RAD52: variants seen among roughly 807,000 people sequenced by gnomAD.
The protein encoded by RAD52 is RAD52 DNA repair protein, also known as DNA repair protein RAD52 homolog.
In RAD52, 47 loss-of-function variants were observed where a neutral mutation model predicts 55.5. The observed-to-expected ratio is 0.85, with a 90% confidence interval of 0.67 to 1.08. The LOEUF is 1.08. Among genes scored for constraint, RAD52 ranks in the 50% least tolerant of loss-of-function variants. The pLI is 0.00. For synonymous variants in RAD52, 184 were observed against 198.9 expected, an observed-to-expected ratio of 0.92 and a Z score of 0.63; for missense variants, 468 against 522.8, an observed-to-expected ratio of 0.90 and a Z score of 1.02.
intron 1 of RAD52, among the ~76,000 whole-genome samples, chr12:988,939 T>C (rs950168649): frequency 2.6e-5 from 4 of 151,654 alleles, no homozygotes; most frequent in African/African-American, 9.7e-5. Context: ...ATCCAAACCA[T>C]AGCAGGAAGT....
At chr12:916,263 A>T in intron 9 of RAD52, 81 bp downstream of exon 9, 3 of 1,567,518 alleles carry the variant, frequency 1.9e-6, no homozygotes, top group Non-Finnish European at 2.6e-6. Flanking sequence ...GCCCAGGGTT[A>T]CCGCAGAGAA....
chr12:971,837 C>A (rs61596374), intron 1 of RAD52, among the ~76,000 whole-genome samples: 2 of 151,902 alleles, frequency 1.3e-5, no homozygotes, highest in East Asian at 3.9e-4. Flanking sequence ...AGGCTCCGCC[C>A]CCCGGGGTTC....
At chr12:933,639 T>C (rs1213403086) in intron 1 of RAD52, among the ~76,000 whole-genome samples, 1 of 152,110 alleles carries the variant, frequency 6.6e-6, no homozygotes, top group African/African-American at 2.4e-5. Flanking sequence ...GGCGGTGCTA[T>C]TAAAGGTGAT....
At chr12:923,975 C>T (rs1010495264) in intron 7 of RAD52, among the ~76,000 whole-genome samples, 3 of 151,184 alleles carry the variant, frequency 2.0e-5, no homozygotes, top group African/African-American at 7.3e-5. Flanking sequence ...AGGAGAATGG[C>T]ATGAACCCGG....
chr12:957,922 G>A (rs1378742183), intron 1 of RAD52, among the ~76,000 whole-genome samples: 5 of 152,274 alleles, frequency 3.3e-5, no homozygotes, highest in African/African-American at 1.2e-4. Flanking sequence ...ATCATCATTT[G>A]TTTTGCTGAA....
chr12:934,787 G>A (rs1328409935), intron 1 of RAD52, among the ~76,000 whole-genome samples: 16 of 152,056 alleles, frequency 1.1e-4, no homozygotes, highest in Non-Finnish European at 2.4e-4. Context: ...CTGGGGGGTA[G>A]GGAAGAAAAA....
upstream of RAD52, among the ~76,000 whole-genome samples, chr12:953,452 C>A (rs1958562775): frequency 6.6e-6 from 1 of 152,136 alleles, no homozygotes; most frequent in South Asian, 2.1e-4. Flanking sequence ...AAGTATCCTC[C>A]CCTGCTGTGA....
rs918232215 is a variant in RAD52 at position 913,530 on chromosome 12, T to A, written c.1196-78A>T. On this transcript the variant is annotated intron_variant, in intron 11 of 11. Coordinates refer to ENST00000358495, the MANE Select transcript of RAD52 (RefSeq NM_134424.4). Reference sequence around the variant, plus strand: ...GACAGCTAATGATTTCTGGATTATATTAATGATCCTAATTTAGACTAAGCC... The same window carrying A: ...GACAGCTAATGATTTCTGGATTATAATAATGATCCTAATTTAGACTAAGCC... The A allele has an allele frequency of 6.4e-6, 7 of 1,088,164 alleles. No individual in the cohort carries two copies. In the East Asian group the frequency reaches 1.6e-4, roughly 26 times the overall value. The allele number at this position is 1,088,164 out of a possible 1,614,324, so 67.4% of individuals were successfully genotyped here. A position where few individuals can be genotyped will look rare whatever the true frequency, so the allele number is the denominator to read the frequency against.
chr12:912,722 C>CAAAAAAAAAAA lies in RAD52; in HGVS notation c.*658_*668dup, dbSNP rs60090525. ...AGGGCAACACAGCCAGACCCCGTCT[C>CAAAAAAAAAAA]AAAAAAAAAAAAAAAAAAAAAAACA... is the stretch of plus-strand genomic sequence containing the variant. On this transcript the variant is annotated 3_prime_UTR_variant, in exon 12 of 12. Transcript: ENST00000358495. 1.1e-3 allele frequency: 78 copies of CAAAAAAAAAAA among 73,162 alleles called. No homozygotes were observed. Among genetic ancestry groups the CAAAAAAAAAAA allele is most frequent in the Middle Eastern group, 9.1e-3 (1 of 110 alleles). The allele number at this position is 73,162 out of a possible 1,614,324, so 4.5% of individuals were successfully genotyped here.
intron 2 of RAD52, among the ~76,000 whole-genome samples, chr12:932,428 G>T (rs1957368922): frequency 6.6e-6 from 1 of 152,076 alleles, no homozygotes; most frequent in African/African-American, 2.4e-5. Context: ...CCAGAGGGTG[G>T]AAGTTGCAGT....
chr12:987,339 T>C (rs1959099550), intron 1 of RAD52, among the ~76,000 whole-genome samples: 1 of 147,738 alleles, frequency 6.8e-6, no homozygotes, highest in Non-Finnish European at 1.5e-5. Context: ...CTTCTTTATA[T>C]TTAGAGTTCA....
At position 927,232 on chromosome 12, in the gene RAD52, CCATAACCAA is replaced by C; in HGVS notation, c.371_379del (p.Val124_Tyr126del). The C allele has an allele frequency of 1.9e-6, 3 of 1,614,046 alleles. No individual in the cohort carries two copies. In the African/African-American group the frequency reaches 4.0e-5, roughly 22 times the overall value. ...CTTGGACTTGAGGCCCTCACTAACA[CCATAACCAA>C]CATCTTCATGATATGAACCATCCTG... On this transcript the variant is annotated inframe_deletion, in exon 6 of 12. Coordinates refer to ENST00000358495, the MANE Select transcript of RAD52 (RefSeq NM_134424.4).
chr12:936,077 G>A (rs1360247943), intron 1 of RAD52, among the ~76,000 whole-genome samples: 1 of 151,876 alleles, frequency 6.6e-6, no homozygotes, highest in African/African-American at 2.4e-5. Flanking sequence ...GCCCAGGCAG[G>A]TGGATAACCT....
intron 1 of RAD52, among the ~76,000 whole-genome samples, chr12:964,709 GCTGGAAC>G (rs1157977558): frequency 6.6e-6 from 1 of 151,936 alleles, no homozygotes; most frequent in Non-Finnish European, 1.5e-5. Context: ...TTCCCAAAAA[GCTGGAAC>G]CACAGGCGCA....
chr12:937,958 G>T (rs1957725137), intron 1 of RAD52, among the ~76,000 whole-genome samples: 1 of 152,134 alleles, frequency 6.6e-6, no homozygotes, highest in Admixed American at 6.5e-5. Context: ...ACATCACCAA[G>T]CCATGAGCTT....
chr12:954,275 C>T (rs971967727), upstream of RAD52, among the ~76,000 whole-genome samples: 1 of 152,130 alleles, frequency 6.6e-6, no homozygotes, highest in African/African-American at 2.4e-5. Flanking sequence ...TCTTCTCTTA[C>T]TCTGTTAGCT....
chr12:939,085 T>TGTGTGTGTGTAGAG (rs57206780), intron 1 of RAD52, among the ~76,000 whole-genome samples: 4 of 144,650 alleles, frequency 2.8e-5, no homozygotes, highest in African/African-American at 1.0e-4. Flanking sequence ...TGTGTGTGTG[T>TGTGTGTGTGTAGAG]AGAGAGAGAG....
At chr12:969,670 A>G (rs1208928978) in intron 1 of RAD52, among the ~76,000 whole-genome samples, 3 of 151,824 alleles carry the variant, frequency 2.0e-5, no homozygotes, top group Non-Finnish European at 4.4e-5. Context: ...ATGCTCCTGT[A>G]GTCCCAGCTA....
chr12:917,985 C>T (rs750123952), intron 7 of RAD52, among the ~76,000 whole-genome samples: 6 of 152,010 alleles, frequency 3.9e-5, no homozygotes, highest in Non-Finnish European at 7.4e-5. Flanking sequence ...CTGGCGATAC[C>T]AAGTGCTGTC....
Sources: allele counts gnomAD v4.1 joint callset (sites outside exome capture counted in the v4.1 genomes callset), GRCh38; gene constraint gnomAD v4.1.1; transcripts MANE v1.5; gene names NCBI Gene and HGNC (gene_info 2026-07-23, HGNC 2026-07-21).